Variants in EIF1 observed in about 807,000 individuals in gnomAD.
EIF1 encodes protein translation factor SUI1 homolog.
In EIF1, 4 loss-of-function variants were observed where a neutral mutation model predicts 13.7. The observed-to-expected ratio is 0.29, with a 90% CI of 0.14 to 0.67. The LOEUF is 0.67. Ranked by LOEUF, EIF1 falls within the 30% of genes least tolerant of loss-of-function variation. EIF1 has a pLI of 0.77. For synonymous variants in EIF1, 67 were observed against 50.7 expected (o/e 1.32, Z -1.37); for missense variants, 64 against 138.0 (o/e 0.46, Z 2.69).
At position 41,691,422 on chromosome 17, in the gene EIF1, T is replaced by A. The variant is rs989742849; in HGVS notation, c.*596T>A. 2 of 156,114 alleles carry A rather than the reference T, an allele frequency of 1.3e-5. No individual in the cohort carries two copies. Among genetic ancestry groups the A allele is most frequent in the African/African-American group, 4.8e-5 (2 of 41,550 alleles). 9.7% of individuals were successfully genotyped at this position (156,114 alleles called of 1,614,324 possible). A position where few individuals can be genotyped will look rare whatever the true frequency, so the allele number is the denominator to read the frequency against. On this transcript the variant is annotated 3_prime_UTR_variant, in exon 4 of 4. Transcript: ENST00000469257. ...GCTAAGGGATGTCCAAACATCAGAA[T>A]GTGAGGCCAACCTTCTATCAGAGTT...
chr17:41,691,010 T>G lies in EIF1; in HGVS notation c.*184T>G. On this transcript the variant is annotated 3_prime_UTR_variant, in exon 4 of 4. Coordinates refer to ENST00000469257, the MANE Select transcript of EIF1 (RefSeq NM_005801.4). ...AACTGAAAAGAGCCATGCTGTCTAG[T>G]CTTGAAGTCCCTCATTTAAACAGAG... 1 of 631,582 alleles carries G rather than the reference T, an allele frequency of 1.6e-6. No homozygotes were observed. The highest frequency in any genetic ancestry group is 2.7e-6 in the Non-Finnish European group (1 of 364,280). 39.1% of individuals were successfully genotyped at this position (631,582 alleles called of 1,614,324 possible).
intron 3 of EIF1, 127 bp downstream of exon 3, chr17:41,690,316 G>C: frequency 1.5e-6 from 1 of 676,544 alleles, no homozygotes; most frequent in Non-Finnish European, 2.5e-6. Context: ...GGGTTTTAAA[G>C]TACATAGACT....
chr17:41,690,472 A>G (rs1910339885), intron 3 of EIF1: 1 of 548,872 alleles, frequency 1.8e-6, no homozygotes. Context: ...TGTATTTGTA[A>G]GGACATGAGT....
Position 41,691,576 on chromosome 17 carries a change from TC to T in EIF1, c.*754del, listed in dbSNP as rs1910382397. ...AACAAACTGGTTTTTGGTTTTTTTT[TC>T]CCCTTCAGTTTTAATGTTATGTGTA... On this transcript the variant is annotated 3_prime_UTR_variant, in exon 4 of 4. Coordinates refer to ENST00000469257, the MANE Select transcript of EIF1 (RefSeq NM_005801.4). 6.5e-6 allele frequency: 1 copy of T among 152,674 alleles called. No homozygotes were observed. Among genetic ancestry groups the T allele is most frequent in the African/African-American group, 2.4e-5 (1 of 41,444 alleles). 9.5% of individuals were successfully genotyped at this position (152,674 alleles called of 1,614,324 possible).
In EIF1 at chr17:41,689,022, A is replaced by G. The variant is rs1910283200; in HGVS notation, c.-17A>G. On this transcript the variant is annotated 5_prime_UTR_variant, in exon 1 of 4. Coordinates refer to ENST00000469257, the MANE Select transcript of EIF1 (RefSeq NM_005801.4). ...CTTCCGCAGGCCGTTTCCACCGAGG[A>G]AAAGGAATCGTATCGTATGTCCGCT... The G allele has an allele frequency of 6.2e-7, 1 of 1,613,116 alleles. No homozygotes were observed. Among genetic ancestry groups the G allele is most frequent in the Non-Finnish European group, 8.5e-7 (1 of 1,179,720 alleles).
At chr17:41,689,413 C>T (rs1025586143) in intron 1 of EIF1, 2 of 506,986 alleles carry the variant, frequency 3.9e-6, no homozygotes, top group South Asian at 5.0e-5. Flanking sequence ...GAGGGAAAGG[C>T]GGTGCCAGCC....
intron 1 of EIF1, chr17:41,689,296 TCA>T (rs959126702): frequency 2.2e-5 from 13 of 602,390 alleles, no homozygotes; most frequent in African/African-American, 7.5e-5. Flanking sequence ...GCCCGGCGTC[TCA>T]GTGGCGCATT....
intron 1 of EIF1, 146 bp from the exon 2 acceptor site, chr17:41,689,632 G>C (rs556095528): frequency 5.2e-6 from 4 of 771,768 alleles, no homozygotes; most frequent in South Asian, 4.2e-5. Context: ...TGCTCGGGGA[G>C]AGCCAGCAAA....
chr17:41,691,329 T>C lies in EIF1; in HGVS notation c.*503T>C. The C allele has an allele frequency of 4.8e-6, 1 of 206,322 alleles. No homozygotes were observed. The allele number at this position is 206,322 out of a possible 1,614,324, so 12.8% of individuals were successfully genotyped here. Reference sequence around the variant, plus strand: ...AGGTGGACAGAGCTCAAAGAGGCCCTCTTACCGCTAGCGAGGTGATAGGAC... The same window carrying C: ...AGGTGGACAGAGCTCAAAGAGGCCCCCTTACCGCTAGCGAGGTGATAGGAC... On this transcript the variant is annotated 3_prime_UTR_variant, in exon 4 of 4. Coordinates refer to ENST00000469257, the MANE Select transcript of EIF1 (RefSeq NM_005801.4).
rs1567766805 is a variant in EIF1, at chr17:41,690,208, T to A, written c.297+19T>A. On this transcript the variant is annotated intron_variant, in intron 3 of 3. Transcript: ENST00000469257. ...CGTAGAGGTGAGTTCAGTCACTACT[T>A]GATTTGTGCCTCTCTGCTGGCAAAT... The A allele has an allele frequency of 7.6e-6, 12 of 1,588,336 alleles. No individual in the cohort carries two copies. The highest frequency in any genetic ancestry group is 1.0e-5 in the Non-Finnish European group (12 of 1,157,040).
chr17:41,691,013 T>TG lies in EIF1; in HGVS notation c.*188dup, dbSNP rs1910361050. 1 of 624,760 alleles carries TG rather than the reference T, an allele frequency of 1.6e-6. No individual in the cohort carries two copies. The highest frequency in any genetic ancestry group is 1.8e-5 in the African/African-American group (1 of 54,440). The allele number at this position is 624,760 out of a possible 1,614,324, so 38.7% of individuals were successfully genotyped here. ...TGAAAAGAGCCATGCTGTCTAGTCTTGAAGTCCCTCATTTAAACAGAGGTC... is the reference window on the plus strand; with the variant it reads ...TGAAAAGAGCCATGCTGTCTAGTCTTGGAAGTCCCTCATTTAAACAGAGGTC... On this transcript the variant is annotated 3_prime_UTR_variant, in exon 4 of 4. Coordinates refer to ENST00000469257, the MANE Select transcript of EIF1 (RefSeq NM_005801.4).
chr17:41,689,721 G>A (rs1015946150), intron 1 of EIF1, 57 bp from the exon 2 acceptor site: 4 of 1,515,668 alleles, frequency 2.6e-6, no homozygotes, highest in Non-Finnish European at 3.5e-6. Context: ...GGACCGAGGG[G>A]ATGGCAGTGG....
chr17:41,689,149 A>G, intron 1 of EIF1, 80 bp downstream of exon 1: 1 of 1,521,506 alleles, frequency 6.6e-7, no homozygotes, highest in South Asian at 1.1e-5. Context: ...GGAAGTTGCC[A>G]AGCGCTCCGG....
chr17:41,689,999 C>T (rs1407956497), intron 2 of EIF1, 58 bp downstream of exon 2: 1 of 1,611,408 alleles, frequency 6.2e-7, no homozygotes, highest in African/African-American at 1.3e-5. Context: ...AAGGGGGTGC[C>T]AGCTGTGTTG....
intron 3 of EIF1, 150 bp from the exon 4 acceptor site, chr17:41,690,632 C>T: frequency 1.4e-6 from 1 of 729,166 alleles, no homozygotes; most frequent in Non-Finnish European, 2.3e-6. Context: ...AAAAAGGTAG[C>T]TCTTAACTGA....
In EIF1 at chr17:41,688,942, C is replaced by T; in HGVS notation, c.-97C>T. 1 of 1,329,420 alleles carries T rather than the reference C, an allele frequency of 7.5e-7. No homozygotes were observed. Among genetic ancestry groups the T allele is most frequent in the Non-Finnish European group, 1.1e-6 (1 of 938,944 alleles). 82.4% of individuals were successfully genotyped at this position (1,329,420 alleles called of 1,614,324 possible). ...GCAGCCTCCCCCTTGAGCCCCCTCG[C>T]TTCCCGACGTTCCGTTCCCCCCTGC... On this transcript the variant is annotated 5_prime_UTR_variant, in exon 1 of 4. Transcript: ENST00000469257.
chr17:41,690,191 T>C lies in EIF1; in HGVS notation c.297+2T>C. The C allele has an allele frequency of 1.9e-6, 3 of 1,611,028 alleles. No homozygotes were observed. The highest frequency in any genetic ancestry group is 1.7e-6 in the Non-Finnish European group (2 of 1,177,232). On this transcript the variant is annotated splice_donor_variant, in intron 3 of 3. Coordinates refer to ENST00000469257, the MANE Select transcript of EIF1 (RefSeq NM_005801.4). LOFTEE classifies it high-confidence loss of function. ...AACATATGCCAGTTCCTCGTAGAGGTGAGTTCAGTCACTACTTGATTTGTG... is the reference window on the plus strand; with the variant it reads ...AACATATGCCAGTTCCTCGTAGAGGCGAGTTCAGTCACTACTTGATTTGTG...
chr17:41,690,889 C>T lies in EIF1; in HGVS notation c.*63C>T, dbSNP rs772316263. On this transcript the variant is annotated 3_prime_UTR_variant, in exon 4 of 4. Coordinates refer to ENST00000469257, the MANE Select transcript of EIF1 (RefSeq NM_005801.4). The stretch of plus-strand genomic sequence containing the variant: ...TTGCAATGAGTAGAATTTCCCTTCT[C>T]TCCCTTGTCACAGGTTTAAAAACCT... 1 of 1,583,888 alleles carries T rather than the reference C, an allele frequency of 6.3e-7. No individual in the cohort carries two copies. Among genetic ancestry groups the T allele is most frequent in the Admixed American group, 1.7e-5 (1 of 59,690 alleles).
rs1441863765 is a variant in EIF1, at chr17:41,689,066, T to G, written c.28T>G (p.Phe10Val). MSAIQNLHS[F>V]DPFADASKGD... ...GTCCGCTATCCAGAACCTCCACTCT[T>G]TCGGTAAGCTATGGGAAAGGTCGCG... The change falls in exon 1 of 4, where the codon TTC becomes GTC. Residue 10 changes from phenylalanine (F) to valine (V), a missense_variant. By Grantham distance (50) the Phe-to-Val change is conservative. This residue lies in a region of EIF1 where 29 missense variants were observed against 34.7 expected (regional missense o/e 0.84). Transcript: ENST00000469257. 1 of 1,613,630 alleles carries G rather than the reference T, an allele frequency of 6.2e-7. No homozygotes were observed. Among genetic ancestry groups the G allele is most frequent in the Admixed American group, 1.7e-5 (1 of 60,028 alleles).
Sources: gnomAD v4.1 joint callset for allele counts on GRCh38, gnomAD v4.1.1 for gene constraint, gnomAD v4.1.1 regional missense constraint, MANE v1.5 for transcripts, NCBI Gene and HGNC (gene_info 2026-07-23, HGNC 2026-07-21) for gene names.